The following MAP4 variants were observed in gnomAD, a reference collection of about 807,000 sequenced individuals.
The protein encoded by MAP4 is microtubule-associated protein 4.
A neutral mutation model predicts 170.2 loss-of-function variants in MAP4; 76 were observed. The observed-to-expected ratio is 0.45, with a 90% CI of 0.37 to 0.54. The LOEUF is 0.54. MAP4 is among the 20% of genes least tolerant of loss of function. The pLI is 0.00. For synonymous variants in MAP4, 909 were observed against 994.5 expected, an observed-to-expected ratio of 0.91 and a Z score of 1.62; for missense variants, 2,506 against 2,748.0, an observed-to-expected ratio of 0.91 and a Z score of 1.97.
chr3:48,081,537 G>C (rs994354332), intron 1 of MAP4, among the ~76,000 whole-genome samples: 5 of 151,924 alleles, frequency 3.3e-5, no homozygotes, highest in African/African-American at 1.2e-4. Flanking sequence ...ATATATTAGA[G>C]TTGAAAAAAT....
chr3:47,916,537 T>C lies in MAP4; in HGVS notation c.1290A>G (p.Ile430Met), dbSNP rs777941425. 1.2e-6 allele frequency: 2 copies of C among 1,614,018 alleles called. No individual in the cohort carries two copies. Among genetic ancestry groups the C allele is most frequent in the Non-Finnish European group, 1.7e-6 (2 of 1,179,964 alleles). The change falls in exon 7 of 21, where the codon ATA becomes ATG. Residue 430 changes from isoleucine to methionine, a missense_variant. Ile to Met is a conservative substitution (Grantham distance 10, BLOSUM62 1). Coordinates refer to ENST00000683076, the MANE Select transcript of MAP4 (RefSeq NM_001385682.1). ...ACAAAGCCACCTTCTCAGCAGAGGA[T>C]ATTTCTGTGGATGATATAATGTCAT... ...QANDIISSTE[I>M]SSAEKVALSS...
chr3:47,907,549 AAC>A, intron 9 of MAP4, among the ~76,000 whole-genome samples: 1 of 152,190 alleles, frequency 6.6e-6, no homozygotes, highest in East Asian at 1.9e-4. Context: ...GGCCACTGCT[AAC>A]ACAGTCTCTG....
At chr3:47,990,075 G>A (rs1029810884) in intron 2 of MAP4, among the ~76,000 whole-genome samples, 11 of 152,126 alleles carry the variant, frequency 7.2e-5, no homozygotes, top group Admixed American at 6.5e-4. Context: ...TCAGCCTTGG[G>A]CAAAACAGCC....
intron 1 of MAP4, among the ~76,000 whole-genome samples, chr3:48,070,918 G>C (rs1454793393): frequency 6.6e-6 from 1 of 151,668 alleles, no homozygotes; most frequent in Non-Finnish European, 1.5e-5. Context: ...CTATCAACTT[G>C]GTAGGCTAAG....
intron 1 of MAP4, among the ~76,000 whole-genome samples, chr3:48,013,177 A>C (rs1320840322): frequency 1.3e-5 from 2 of 152,148 alleles, no homozygotes; most frequent in Non-Finnish European, 2.9e-5. Context: ...GTTACTTACT[A>C]TTCGGTTATG....
chr3:47,872,793 T>C (rs2093863965), intron 12 of MAP4, among the ~76,000 whole-genome samples: 1 of 152,144 alleles, frequency 6.6e-6, no homozygotes. Context: ...TCTGTAGAAA[T>C]GCCAAAAATA....
intron 10 of MAP4, among the ~76,000 whole-genome samples, chr3:47,900,932 T>TA (rs1417483322): frequency 6.6e-6 from 1 of 152,150 alleles, no homozygotes; most frequent in Non-Finnish European, 1.5e-5. Context: ...AGGCACACAA[T>TA]ACCCCTAGGA....
chr3:48,081,797 G>A (rs150496241), intron 1 of MAP4, among the ~76,000 whole-genome samples: 139 of 152,254 alleles, frequency 9.1e-4, no homozygotes, highest in African/African-American at 3.2e-3. Flanking sequence ...AGTAATGAGT[G>A]CATCAAGCTC....
chr3:47,994,363 T>C (rs1394511016), intron 2 of MAP4, among the ~76,000 whole-genome samples: 1 of 152,196 alleles, frequency 6.6e-6, no homozygotes, highest in Non-Finnish European at 1.5e-5. Context: ...AATGATAAGA[T>C]GTAAATATGG....
intron 5 of MAP4, among the ~76,000 whole-genome samples, chr3:47,920,266 C>T (rs1340839210): frequency 1.3e-5 from 2 of 151,966 alleles, no homozygotes; most frequent in African/African-American, 2.4e-5. Context: ...CCACCACACT[C>T]GGCCTAATTT....
chr3:47,874,989 T>C (rs1197060742), intron 12 of MAP4, among the ~76,000 whole-genome samples: 1 of 150,958 alleles, frequency 6.6e-6, no homozygotes, highest in Non-Finnish European at 1.5e-5. Context: ...CCTCTCCTCC[T>C]GGAGCAATTC....
Position 47,927,152 on chromosome 3 carries a change from C to CT in MAP4, c.415+1075dup, listed in dbSNP as rs1379113958. On this transcript the variant is annotated intron_variant, in intron 4 of 20. Coordinates refer to ENST00000683076, the MANE Select transcript of MAP4 (RefSeq NM_001385682.1). ...CCAGCCAGGGTGACAGAGCAAGACT[C>CT]TGTCTCAAAAAAAAAAAAAAAAGAA... is the stretch of plus-strand genomic sequence containing the variant. Among the ~76,000 whole-genome samples the CT allele has an allele frequency of 8.8e-5, 11 of 124,692 alleles. No individual in the cohort carries two copies. The East Asian group carries it at 2.0e-3, about 23-fold the overall frequency. The allele number at this position is 124,692 out of a possible 152,430, so 81.8% of individuals were successfully genotyped here. A position where few individuals can be genotyped will look rare whatever the true frequency, so the allele number is the denominator to read the frequency against.
chr3:48,036,545 TTGATATC>T (rs2100118819), intron 1 of MAP4, among the ~76,000 whole-genome samples: 1 of 152,252 alleles, frequency 6.6e-6, no homozygotes, highest in Admixed American at 6.5e-5. Context: ...GGGCGCCTTC[TTGATATC>T]GTCATGTATA....
At chr3:48,034,088 C>T (rs1354468842) in intron 1 of MAP4, among the ~76,000 whole-genome samples, 2 of 152,158 alleles carry the variant, frequency 1.3e-5, no homozygotes, top group African/African-American at 2.4e-5. Context: ...TGCCAAGTAC[C>T]TTTCACCTTT....
intron 1 of MAP4, among the ~76,000 whole-genome samples, chr3:48,026,888 A>T (rs995704426): frequency 1.3e-5 from 2 of 152,172 alleles, no homozygotes; most frequent in Admixed American, 1.3e-4. Flanking sequence ...TACTATTTCT[A>T]CCCATCACCA....
rs142195078 is a variant in MAP4, at chr3:47,888,436, C to G, written c.5435-10913G>C. Among the ~76,000 whole-genome samples, 1,329 of 152,186 alleles carry G rather than the reference C, an allele frequency of 8.7e-3. 19 individuals are homozygous for G. Among genetic ancestry groups the G allele is most frequent in the African/African-American group, 0.03 (1,257 of 41,502 alleles). ...GCTTCACTCCTGAGCCCAGTGAGAC[C>G]ACAAACCCACCGGGAGGAACGAACA... On this transcript the variant is annotated intron_variant, in intron 10 of 20. Coordinates refer to ENST00000683076, the MANE Select transcript of MAP4 (RefSeq NM_001385682.1).
intron 1 of MAP4, among the ~76,000 whole-genome samples, chr3:48,069,895 ATTGTT>A (rs1159546190): frequency 1.3e-5 from 2 of 152,176 alleles, no homozygotes; most frequent in African/African-American, 4.8e-5. Flanking sequence ...TACTGATGTT[ATTGTT>A]TTAAGAAAAT....
In MAP4 at chr3:47,909,736, T is replaced by C; in HGVS notation, c.4685A>G (p.His1562Arg). The change falls in exon 9 of 21, where the codon CAT becomes CGT. Residue 1562 changes from histidine (H) to arginine (R), a missense_variant. His to Arg is a conservative substitution (Grantham distance 29, BLOSUM62 0). Coordinates refer to ENST00000683076, the MANE Select transcript of MAP4 (RefSeq NM_001385682.1). ...SESVHSGASK[H>R]SVEKVTELAK... ...TAGCTCTGTGACTTTCTCTACTGAA[T>C]GCTTAGACGCACCACTGTGCACTGA... 1.2e-6 allele frequency: 2 copies of C among 1,614,072 alleles called. No homozygotes were observed. Among genetic ancestry groups the C allele is most frequent in the South Asian group, 2.2e-5 (2 of 91,090 alleles).
chr3:47,876,210 C>T (rs1327138801), intron 11 of MAP4, among the ~76,000 whole-genome samples: 1 of 150,856 alleles, frequency 6.6e-6, no homozygotes, highest in African/African-American at 2.4e-5. Context: ...CGGCTCACTG[C>T]AAGCTCTGCC....
Sources: gnomAD v4.1 joint callset for allele counts (sites outside exome capture counted in the v4.1 genomes callset) on GRCh38, gnomAD v4.1.1 for gene constraint, MANE v1.5 for transcripts, NCBI Gene and HGNC (gene_info 2026-07-23, HGNC 2026-07-21) for gene names.